The following PPP2R5E variants were observed in gnomAD, a reference collection of about 807,000 sequenced individuals.
PPP2R5E encodes serine/threonine-protein phosphatase 2A 56 kDa regulatory subunit epsilon isoform.
Under a neutral mutation model 65.3 loss-of-function variants are expected in PPP2R5E, and 4 were observed. That is an observed-to-expected ratio of 0.06 (90% CI 0.03 to 0.14). The LOEUF (loss-of-function observed/expected upper bound fraction) is 0.14. PPP2R5E is among the 10% of genes least tolerant of loss of function. The probability of loss-of-function intolerance (pLI) is 1.00; values close to 1 mark genes in which losing one functional copy is unlikely to be tolerated. For synonymous variants in PPP2R5E, 183 were observed against 187.4 expected (o/e 0.98, Z 0.19); for missense variants, 274 against 556.1 (o/e 0.49, Z 5.10).
At chr14:63,455,843 T>C (rs900760910) in intron 2 of PPP2R5E, among the ~76,000 whole-genome samples, 2 of 152,020 alleles carry the variant, frequency 1.3e-5, no homozygotes, top group East Asian at 1.9e-4. Context: ...TTTTTTTTTT[T>C]AGTTTGAGAT....
At chr14:63,489,523 C>A (rs1209135233) in intron 2 of PPP2R5E, among the ~76,000 whole-genome samples, 1 of 151,808 alleles carries the variant, frequency 6.6e-6, no homozygotes, top group Non-Finnish European at 1.5e-5. Context: ...GATCCTCCCA[C>A]CTCAGCCTCC....
chr14:63,438,081 C>T (rs898314076), intron 3 of PPP2R5E, among the ~76,000 whole-genome samples: 32 of 152,204 alleles, frequency 2.1e-4, no homozygotes, highest in African/African-American at 7.2e-4. Context: ...TCCTACAGAT[C>T]AAGTTTGGCT....
intron 3 of PPP2R5E, among the ~76,000 whole-genome samples, chr14:63,445,068 T>A (rs181827854): frequency 6.6e-6 from 1 of 152,194 alleles, no homozygotes; most frequent in Non-Finnish European, 1.5e-5. Flanking sequence ...CTCCCTCTAT[T>A]TATAACAGAA....
intron 12 of PPP2R5E, 92 bp from the exon 13 acceptor site, chr14:63,382,249 G>A (rs143800929): frequency 1.0e-5 from 9 of 899,260 alleles, no homozygotes; most frequent in African/African-American, 9.8e-5. Flanking sequence ...TTGTCTGAAT[G>A]ATTTCTCGTA....
intron 2 of PPP2R5E, among the ~76,000 whole-genome samples, chr14:63,474,017 A>C (rs1890269517): frequency 3.9e-5 from 6 of 152,230 alleles, no homozygotes; most frequent in Admixed American, 3.9e-4. Context: ...TGTATTGTTA[A>C]AAAGATCACT....
intron 2 of PPP2R5E, among the ~76,000 whole-genome samples, chr14:63,489,776 T>A (rs1238044082): frequency 6.7e-6 from 1 of 148,998 alleles, no homozygotes; most frequent in Non-Finnish European, 1.5e-5. Context: ...AACGTTTCTA[T>A]CATGGTATGT....
At chr14:63,490,085 T>C (rs1189456639) in intron 2 of PPP2R5E, among the ~76,000 whole-genome samples, 1 of 152,102 alleles carries the variant, frequency 6.6e-6, no homozygotes, top group Non-Finnish European at 1.5e-5. Flanking sequence ...AGTAGTAAAA[T>C]TCTTGCAGAG....
At chr14:63,459,499 T>A (rs1889334271) in intron 2 of PPP2R5E, among the ~76,000 whole-genome samples, 1 of 152,166 alleles carries the variant, frequency 6.6e-6, no homozygotes, top group African/African-American at 2.4e-5. Flanking sequence ...TGGAGCCAAA[T>A]ATAACATGTT....
At chr14:63,454,109 C>T (rs1888997499) in intron 2 of PPP2R5E, among the ~76,000 whole-genome samples, 1 of 152,174 alleles carries the variant, frequency 6.6e-6, no homozygotes, top group South Asian at 2.1e-4. Flanking sequence ...ACTGTATTTG[C>T]TATTCCACAA....
intron 2 of PPP2R5E, among the ~76,000 whole-genome samples, chr14:63,484,388 A>ACAC (rs1566736534): frequency 3.0e-3 from 373 of 124,550 alleles, no homozygotes; most frequent in African/African-American, 0.011. Context: ...CACACACACA[A>ACAC]AGAATCGTAT....
chr14:63,502,821 G>T (rs569970701), intron 2 of PPP2R5E, among the ~76,000 whole-genome samples: 65 of 152,296 alleles, frequency 4.3e-4, no homozygotes, highest in Non-Finnish European at 7.9e-4. Context: ...GAAAGCTCAT[G>T]AAATATAGTA....
intron 12 of PPP2R5E, among the ~76,000 whole-genome samples, chr14:63,382,738 T>G (rs1884439838): frequency 6.6e-6 from 1 of 152,192 alleles, no homozygotes; most frequent in Admixed American, 6.5e-5. Context: ...TAGAGCTGCC[T>G]GTGGGCATTT....
intron 2 of PPP2R5E, among the ~76,000 whole-genome samples, chr14:63,477,580 A>AG (rs1890472082): frequency 6.6e-6 from 1 of 152,040 alleles, no homozygotes; most frequent in African/African-American, 2.4e-5. Context: ...AGAGGGAATA[A>AG]GAAAAAAAAG....
At chr14:63,505,555 C>T (rs1892120502) in intron 2 of PPP2R5E, among the ~76,000 whole-genome samples, 1 of 152,214 alleles carries the variant, frequency 6.6e-6, no homozygotes, top group South Asian at 2.1e-4. Context: ...CTGAGTTCTT[C>T]AAGCTCGTCT....
chr14:63,410,381 C>A (rs1886329359), intron 5 of PPP2R5E, among the ~76,000 whole-genome samples: 1 of 152,078 alleles, frequency 6.6e-6, no homozygotes, highest in South Asian at 2.1e-4. Flanking sequence ...AATGCAAGGA[C>A]AAGCGGGGGT....
At chr14:63,508,294 C>T in intron 2 of PPP2R5E, 1 of 795,686 alleles carries the variant, frequency 1.3e-6, no homozygotes, top group Non-Finnish European at 1.5e-6. Flanking sequence ...CAACCCCCTC[C>T]CTCTGCCTGT....
At chr14:63,437,199 C>T (rs1887989900) in intron 3 of PPP2R5E, among the ~76,000 whole-genome samples, 1 of 152,160 alleles carries the variant, frequency 6.6e-6, no homozygotes, top group Non-Finnish European at 1.5e-5. Flanking sequence ...GAGAGGAACC[C>T]TCAGTTCGGG....
At chr14:63,532,023 G>T (rs1361317833) in intron 2 of PPP2R5E, among the ~76,000 whole-genome samples, 1 of 152,094 alleles carries the variant, frequency 6.6e-6, no homozygotes, top group South Asian at 2.1e-4. Context: ...GTACAAACTA[G>T]ATCAATAGAT....
Position 63,480,239 on chromosome 14 carries a change from T to C in PPP2R5E, c.158-26354A>G, listed in dbSNP as rs143606433. Among the ~76,000 whole-genome samples, 848 of 152,098 alleles carry C rather than the reference T, an allele frequency of 5.6e-3. 10 individuals are homozygous for C. The highest frequency in any genetic ancestry group is 0.018 in the African/African-American group (761 of 41,514). On this transcript the variant is annotated intron_variant, in intron 2 of 13. Transcript: ENST00000337537. Reference sequence around the variant, plus strand: ...TTGGGAGGCCAAGGAGGGTAGATCATGGGAGGCCAGGAGTTCAGGACCAGC... The same window carrying C: ...TTGGGAGGCCAAGGAGGGTAGATCACGGGAGGCCAGGAGTTCAGGACCAGC...
Sources: allele counts gnomAD v4.1 joint callset (sites outside exome capture counted in the v4.1 genomes callset), GRCh38; gene constraint gnomAD v4.1.1; transcripts MANE v1.5; gene names NCBI Gene and HGNC (gene_info 2026-07-23, HGNC 2026-07-21).